The following CD6 variants were observed in gnomAD, a reference collection of about 807,000 sequenced individuals.
CD6 encodes the protein T-cell differentiation antigen CD6.
A neutral mutation model predicts 75.3 loss-of-function variants in CD6; 53 were observed. The observed-to-expected ratio is 0.70, with a 90% CI of 0.56 to 0.88. The LOEUF is 0.88. CD6 is among the 40% of genes least tolerant of loss of function. The pLI is 0.00. For synonymous variants in CD6, 359 were observed against 381.5 expected, an observed-to-expected ratio of 0.94 and a Z score of 0.69; for missense variants, 770 against 897.1, an observed-to-expected ratio of 0.86 and a Z score of 1.81.
chr11:60,972,787 G>C (rs76676738), intron 1 of CD6, among the ~76,000 whole-genome samples: 4,801 of 152,278 alleles, frequency 0.032, 115 homozygotes, highest in Middle Eastern at 0.13. Flanking sequence ...GGAAGACCCA[G>C]TCAGGAGGGG....
At chr11:61,000,893 G>A (rs1388785404) in intron 1 of CD6, among the ~76,000 whole-genome samples, 1 of 152,140 alleles carries the variant, frequency 6.6e-6, no homozygotes, top group Non-Finnish European at 1.5e-5. Flanking sequence ...GGGGACTTCT[G>A]CATGGGACTG....
At chr11:61,011,425 T>C (rs1859149227) in intron 6 of CD6, among the ~76,000 whole-genome samples, 1 of 147,960 alleles carries the variant, frequency 6.8e-6, no homozygotes, top group Admixed American at 6.7e-5. Context: ...AGGAAAGAGC[T>C]GGAGAGAGCT....
intron 1 of CD6, among the ~76,000 whole-genome samples, chr11:60,994,258 C>T (rs977235345): frequency 2.6e-5 from 4 of 151,702 alleles, no homozygotes; most frequent in Admixed American, 1.3e-4. Flanking sequence ...CTGGGCAACA[C>T]GGTGAAACCC....
At chr11:61,008,468 A>C (rs1858983209) in intron 3 of CD6, 66 bp from the exon 4 acceptor site, 1 of 1,430,332 alleles carries the variant, frequency 7.0e-7, no homozygotes, top group Non-Finnish European at 9.4e-7. Context: ...GGCCAGTCCA[A>C]CCATCACCCC....
rs902558452 is a variant in CD6 at position 61,006,765 on chromosome 11, C to A, written c.118+123C>A. The A allele has an allele frequency of 1.5e-5, 11 of 747,230 alleles. No homozygotes were observed. The African/African-American group carries it at 1.6e-4, about 11-fold the overall frequency. The allele number at this position is 747,230 out of a possible 1,614,324, so 46.3% of individuals were successfully genotyped here. A position where few individuals can be genotyped will look rare whatever the true frequency, so the allele number is the denominator to read the frequency against. On this transcript the variant is annotated intron_variant, in intron 2 of 12. Coordinates refer to ENST00000313421, the MANE Select transcript of CD6 (RefSeq NM_006725.5). ...GGCTCCCTGACTTCAGACAACACTT[C>A]TTCCTGACCCATCACCTGAAGTTCC...
rs1257239446 is a variant in CD6, at chr11:61,007,754, C to A, written c.313C>A (p.Pro105Thr). Residue 105 changes from proline to threonine, a missense_variant, in exon 3 of 13, where the codon CCG (proline) becomes ACG (threonine). Pro to Thr is a conservative substitution (Grantham distance 38). Transcript: ENST00000313421. The surrounding 1 kb of genome is among the most constrained non-coding windows in gnomAD (Gnocchi z 4.2). ...GCTCGCCCCGCCGACCCCTGAGCTG[C>A]CGCCCCCGCCTGCAGCCGGGAACAC... The part of the protein sequence containing the change: ...SQLAPPTPEL[P>T]PPPAAGNTSV... The A allele has an allele frequency of 6.2e-6, 9 of 1,449,320 alleles. No individual in the cohort carries two copies. Among genetic ancestry groups the A allele is most frequent in the Non-Finnish European group, 8.2e-6 (9 of 1,099,532 alleles). The allele number at this position is 1,449,320 out of a possible 1,614,324, so 89.8% of individuals were successfully genotyped here.
chr11:60,976,081 C>T lies in CD6; in HGVS notation c.49+4167C>T, dbSNP rs117057344. On this transcript the variant is annotated intron_variant, in intron 1 of 12. Coordinates refer to ENST00000313421, the MANE Select transcript of CD6 (RefSeq NM_006725.5). ...GCAGTTTTGTTACACGGATATATTA[C>T]GTAGTGGTGAAGTCTGGGATTATAG... is the stretch of plus-strand genomic sequence containing the variant. 4.8e-4 allele frequency among the ~76,000 whole-genome samples: 73 copies of T among 152,244 alleles called. 2 individuals carry two copies. In the East Asian group the frequency reaches 0.014, roughly 28 times the overall value.
chr11:60,982,257 G>A (rs937941377), intron 1 of CD6, among the ~76,000 whole-genome samples: 2 of 152,170 alleles, frequency 1.3e-5, no homozygotes, highest in Non-Finnish European at 2.9e-5. Context: ...CATGTACTGA[G>A]CCCTGTGGCA....
In CD6 at chr11:60,977,039, C is replaced by T. The variant is rs540962900; in HGVS notation, c.49+5125C>T. Among the ~76,000 whole-genome samples the T allele has an allele frequency of 8.1e-4, 123 of 152,216 alleles. No individual in the cohort carries two copies. The Middle Eastern group carries it at 0.014, about 17-fold the overall frequency. On this transcript the variant is annotated intron_variant, in intron 1 of 12. Coordinates refer to ENST00000313421, the MANE Select transcript of CD6 (RefSeq NM_006725.5). ...TGATGACAGTTAGCGTGGCCTTCAC[C>T]GTATTGGGGCCATGGAACGGGGTAG... is the stretch of plus-strand genomic sequence containing the variant.
intron 1 of CD6, among the ~76,000 whole-genome samples, chr11:60,998,318 A>G (rs1330825657): frequency 6.6e-6 from 1 of 152,200 alleles, no homozygotes; most frequent in Non-Finnish European, 1.5e-5. Context: ...GCTATCATCT[A>G]TGGGGCATAC....
chr11:61,017,018 A>C (rs561759074), intron 9 of CD6: 1 of 166,154 alleles, frequency 6.0e-6, no homozygotes, highest in Non-Finnish European at 1.3e-5. Context: ...CCAAGATCCC[A>C]GACACTCATA....
At chr11:61,002,827 G>A (rs1038632758) in intron 1 of CD6, among the ~76,000 whole-genome samples, 20 of 152,290 alleles carry the variant, frequency 1.3e-4, no homozygotes, top group East Asian at 5.8e-4. Flanking sequence ...GAGAGTGCAC[G>A]AGAGACAGAG....
chr11:61,006,691 G>T, intron 2 of CD6, 49 bp downstream of exon 2: 1 of 1,453,460 alleles, frequency 6.9e-7, no homozygotes, highest in Middle Eastern at 1.7e-4. Flanking sequence ...TCTGTAGGTG[G>T]TCCCCCAGGG....
At chr11:61,013,817 G>A in intron 7 of CD6, 102 bp from the exon 8 acceptor site, 1 of 826,656 alleles carries the variant, frequency 1.2e-6, no homozygotes, top group South Asian at 1.7e-5. Context: ...CAAGTGTTGG[G>A]GGAATGAGGA....
At chr11:60,974,843 C>T (rs1243757824) in intron 1 of CD6, among the ~76,000 whole-genome samples, 1 of 152,110 alleles carries the variant, frequency 6.6e-6, no homozygotes, top group Non-Finnish European at 1.5e-5. Context: ...CATGTTTTCT[C>T]ATCAGTGGAA....
chr11:61,014,239 G>A (rs941327086), intron 8 of CD6, among the ~76,000 whole-genome samples: 1 of 152,188 alleles, frequency 6.6e-6, no homozygotes, highest in Non-Finnish European at 1.5e-5. Context: ...ATAGAGTTTT[G>A]AGTTCTGGAC....
At chr11:61,011,027 C>G in intron 5 of CD6, 43 bp from the exon 6 acceptor site, 1 of 1,573,526 alleles carries the variant, frequency 6.4e-7, no homozygotes, top group Non-Finnish European at 8.7e-7. Context: ...ACAGTAGGTG[C>G]TCAGTAACAT....
At chr11:61,000,660 C>T (rs1858536697) in intron 1 of CD6, among the ~76,000 whole-genome samples, 1 of 152,218 alleles carries the variant, frequency 6.6e-6, no homozygotes, top group Non-Finnish European at 1.5e-5. Context: ...CCCTCGATGT[C>T]TATGCCTCCT....
intron 3 of CD6, 38 bp from the exon 4 acceptor site, chr11:61,008,496 C>T: frequency 4.6e-6 from 7 of 1,511,168 alleles, no homozygotes; most frequent in Non-Finnish European, 6.2e-6. Flanking sequence ...CCTTCCTGGT[C>T]GGGTGCCCCA....
Sources: gnomAD v4.1 joint callset for allele counts (sites outside exome capture counted in the v4.1 genomes callset) on GRCh38, gnomAD v4.1.1 for gene constraint, Gnocchi (gnomAD v3.1) non-coding constraint, MANE v1.5 for transcripts, NCBI Gene and HGNC (gene_info 2026-07-23, HGNC 2026-07-21) for gene names.